The following RERG variants were observed in gnomAD, a reference collection of about 807,000 sequenced individuals.
RERG encodes the protein ras-related and estrogen-regulated growth inhibitor.
Under a neutral mutation model 23.2 loss-of-function variants are expected in RERG, and 25 were observed. That is an observed-to-expected ratio of 1.08 (90% CI 0.79 to 1.50). The LOEUF is 1.50. Among genes scored for constraint, RERG ranks in the 40% most tolerant of loss-of-function variants. RERG has a pLI of 0.00. For synonymous variants in RERG, 81 were observed against 89.1 expected (o/e 0.91, Z 0.51); for missense variants, 253 against 250.1 (o/e 1.01, Z -0.08).
intron 2 of RERG, among the ~76,000 whole-genome samples, chr12:15,182,161 C>A (rs1864933174): frequency 6.6e-6 from 1 of 150,974 alleles, no homozygotes; most frequent in Admixed American, 6.6e-5. Flanking sequence ...TAGGATCAAG[C>A]AATTCCCCTG....
At chr12:15,194,187 G>A (rs763606874) in intron 2 of RERG, among the ~76,000 whole-genome samples, 19 of 152,140 alleles carry the variant, frequency 1.2e-4, no homozygotes, top group Non-Finnish European at 2.4e-4. Flanking sequence ...GGACATCTAT[G>A]TTTGCATGAA....
rs1321081103 is a variant in RERG, at chr12:15,119,794, G to C, written c.118+1269C>G. Reference sequence around the variant, plus strand: ...ACATAAAGATGTGGATCTTCTCAAAGTAATTTATAGTTCTAGTACAATTCT... The same window carrying C: ...ACATAAAGATGTGGATCTTCTCAAACTAATTTATAGTTCTAGTACAATTCT... On this transcript the variant is annotated intron_variant, in intron 3 of 4. Coordinates refer to ENST00000256953, the MANE Select transcript of RERG (RefSeq NM_032918.3). Among the ~76,000 whole-genome samples the C allele has an allele frequency of 2.0e-5, 3 of 152,128 alleles. No homozygotes were observed. The East Asian group carries it at 5.8e-4, about 29-fold the overall frequency.
chr12:15,122,726 T>C (rs1331234827), intron 2 of RERG, among the ~76,000 whole-genome samples: 1 of 152,122 alleles, frequency 6.6e-6, no homozygotes, highest in Non-Finnish European at 1.5e-5. Flanking sequence ...TTAGCAACAT[T>C]AATAAACACC....
Position 15,129,952 on chromosome 12 carries a change from T to A in RERG, c.62-8833A>T, listed in dbSNP as rs527812908. ...GAGGGATTAGTGCAAAGACTCCACA[T>A]GAAATAAAAGTCTGGGGGTAGCATT... On this transcript the variant is annotated intron_variant, in intron 2 of 4. Transcript: ENST00000256953. Among the ~76,000 whole-genome samples the A allele has an allele frequency of 2.0e-5, 3 of 152,170 alleles. No individual in the cohort carries two copies. The South Asian group carries it at 6.2e-4, about 32-fold the overall frequency.
At chr12:15,156,470 T>C (rs1220048291) in intron 2 of RERG, among the ~76,000 whole-genome samples, 1 of 152,210 alleles carries the variant, frequency 6.6e-6, no homozygotes, top group Non-Finnish European at 1.5e-5. Context: ...TGCAATTGTA[T>C]GATAATTACC....
chr12:15,159,712 T>C (rs1483811229), intron 2 of RERG, among the ~76,000 whole-genome samples: 2 of 152,154 alleles, frequency 1.3e-5, no homozygotes, highest in East Asian at 1.9e-4. Context: ...TAGTGCCAGC[T>C]GCTTGTGAGG....
intron 2 of RERG, among the ~76,000 whole-genome samples, chr12:15,158,356 G>A (rs144182448): frequency 6.6e-5 from 10 of 151,724 alleles, no homozygotes; most frequent in African/African-American, 1.7e-4. Flanking sequence ...ATCTTGGCTC[G>A]CTGCAGCCTC....
Position 15,205,979 on chromosome 12 carries a change from G to A in RERG, c.61+11450C>T, listed in dbSNP as rs115443504. ...TATCTAAGACTTAACTATATGGAGC[G>A]AGGTGTCAATAACTCAAGGTTATGG... On this transcript the variant is annotated intron_variant, in intron 2 of 4. Coordinates refer to ENST00000256953, the MANE Select transcript of RERG (RefSeq NM_032918.3). Among the ~76,000 whole-genome samples, 567 of 152,086 alleles carry A rather than the reference G, an allele frequency of 3.7e-3. 2 individuals are homozygous for A. The highest frequency in any genetic ancestry group is 0.013 in the African/African-American group (533 of 41,522).
rs147938337 is a variant in RERG, at chr12:15,109,182, C to T, written c.528G>A (p.Lys176=). The T allele has an allele frequency of 3.8e-4, 611 of 1,613,640 alleles. 6 individuals carry two copies. Among genetic ancestry groups the T allele is most frequent in the Middle Eastern group, 1.6e-4 (1 of 6,068 alleles). The change falls in exon 5 of 5, where the codon AAG becomes AAA. Residue 176 remains lysine (K), a synonymous_variant. Transcript: ENST00000256953. ...EVRRRRMVQG[K]TRRRSSTTHV... Reference sequence around the variant, plus strand: ...GCGTGGTGGAGCTGCGTCGCCTCGTCTTGCCCTGCACCATCCTCCGGCGAC... The same window carrying T: ...GCGTGGTGGAGCTGCGTCGCCTCGTTTTGCCCTGCACCATCCTCCGGCGAC...
intron 2 of RERG, among the ~76,000 whole-genome samples, chr12:15,205,458 C>T (rs912853115): frequency 1.3e-5 from 2 of 151,882 alleles, no homozygotes; most frequent in African/African-American, 2.4e-5. Context: ...ATTCAAGATA[C>T]GAAATATTTG....
At chr12:15,123,722 T>C (rs1863883785) in intron 2 of RERG, among the ~76,000 whole-genome samples, 1 of 151,758 alleles carries the variant, frequency 6.6e-6, no homozygotes, top group Admixed American at 6.6e-5. Context: ...AAGATTGACC[T>C]AATTTCCTTT....
intron 2 of RERG, 38 bp downstream of exon 2, chr12:15,217,389 CCA>C (rs745681547): frequency 1.3e-3 from 1,673 of 1,253,932 alleles, no homozygotes; most frequent in Non-Finnish European, 1.7e-3. Flanking sequence ...ACACACTCAC[CCA>C]CACACACACA....
chr12:15,135,405 G>A (rs141678898), intron 2 of RERG, among the ~76,000 whole-genome samples: 31 of 141,476 alleles, frequency 2.2e-4, no homozygotes, highest in Non-Finnish European at 4.3e-4. Context: ...TTCCTTTTTT[G>A]TCTTATTCCA....
chr12:15,146,732 G>C (rs1864339328), intron 2 of RERG, among the ~76,000 whole-genome samples: 1 of 152,214 alleles, frequency 6.6e-6, no homozygotes, highest in South Asian at 2.1e-4. Context: ...CCCAGGCACA[G>C]AGCATGGGAC....
At chr12:15,149,656 A>C (rs1262402488) in intron 2 of RERG, among the ~76,000 whole-genome samples, 1 of 152,206 alleles carries the variant, frequency 6.6e-6, no homozygotes, top group African/African-American at 2.4e-5. Context: ...CTCTCAAAAG[A>C]TCTATTGGAC....
chr12:15,109,667 A>G, intron 4 of RERG, 150 bp from the exon 5 acceptor site: 1 of 575,962 alleles, frequency 1.7e-6, no homozygotes, highest in Non-Finnish European at 3.0e-6. Context: ...AACTTTCTAA[A>G]TAATTTTAAA....
chr12:15,217,714 G>A, intron 1 of RERG, 111 bp from the exon 2 acceptor site: 1 of 495,692 alleles, frequency 2.0e-6, no homozygotes, highest in Non-Finnish European at 3.6e-6. Context: ...TTTCTGGTTT[G>A]ATCTTTACCA....
At chr12:15,209,870 C>G (rs983915520) in intron 2 of RERG, among the ~76,000 whole-genome samples, 3 of 152,180 alleles carry the variant, frequency 2.0e-5, no homozygotes, top group Non-Finnish European at 4.4e-5. Context: ...AGACTTGGCT[C>G]TAGCACCAAC....
chr12:15,121,051 A>C lies in RERG; in HGVS notation c.118+12T>G. 1 of 1,603,496 alleles carries C rather than the reference A, an allele frequency of 6.2e-7. No homozygotes were observed. Among genetic ancestry groups the C allele is most frequent in the Non-Finnish European group, 8.5e-7 (1 of 1,170,720 alleles). ...TTTATTGAAGAGGAGAAGGAAACAA[A>C]ATTTGACCTACCGAGGGTGGGATCA... On this transcript the variant is annotated intron_variant, in intron 3 of 4. Transcript: ENST00000256953.
Sources: allele counts gnomAD v4.1 joint callset (sites outside exome capture counted in the v4.1 genomes callset), GRCh38; gene constraint gnomAD v4.1.1; transcripts MANE v1.5; gene names NCBI Gene and HGNC (gene_info 2026-07-23, HGNC 2026-07-21).